CYP2C19: variants seen among roughly 807,000 people sequenced by gnomAD.
CYP2C19 encodes the protein cytochrome P450 2C19.
In CYP2C19, 59 loss-of-function variants were observed where a neutral mutation model predicts 40.9. The observed-to-expected ratio is 1.44, with a 90% CI of 1.17 to 1.79. The LOEUF (loss-of-function observed/expected upper bound fraction) is 1.79. Ranked by LOEUF, CYP2C19 falls within the 40% of genes most tolerant of loss-of-function variation. CYP2C19 has a pLI of 0.00. For missense variants in CYP2C19, 754 were observed against 596.9 expected (o/e 1.26, Z -2.74); for synonymous variants, 253 against 208.7 (o/e 1.21, Z -1.83).
chr10:94,852,817 A>C lies in CYP2C19; in HGVS notation c.1376A>C (p.Lys459Thr), dbSNP rs1849675290. ...TTCATTTTACAGAACTTTAACCTGA[A>C]ATCTCTGATTGACCCAAAGGACCTT... ...LTFILQNFNL[K>T]SLIDPKDLDT... The change falls in exon 9 of 9, where the codon AAA (lysine) becomes ACA (threonine). Residue 459 changes from lysine to threonine, a missense_variant. Lys to Thr is a moderately conservative substitution (Grantham distance 78, BLOSUM62 -1). Transcript: ENST00000371321. The C allele has an allele frequency of 4.3e-6, 7 of 1,613,916 alleles. No individual in the cohort carries two copies. Among genetic ancestry groups the C allele is most frequent in the African/African-American group, 1.3e-5 (1 of 74,900 alleles).
chr10:94,787,055 T>A lies in CYP2C19; in HGVS notation c.819+5058T>A, dbSNP rs58398690. Among the ~76,000 whole-genome samples, 709 of 152,248 alleles carry A rather than the reference T, an allele frequency of 4.7e-3. 3 individuals carry two copies. The highest frequency in any genetic ancestry group is 0.017 in the African/African-American group (686 of 41,552). On this transcript the variant is annotated intron_variant, in intron 5 of 8. Transcript: ENST00000371321. ...CATCAAATGATAATTTTGTTTTTAG[T>A]TCTTTGAGAAATTTCCAAACTGCTT...
chr10:94,765,450 G>A (rs757806702), intron 1 of CYP2C19, among the ~76,000 whole-genome samples: 7 of 152,102 alleles, frequency 4.6e-5, no homozygotes, highest in Admixed American at 2.0e-4. Context: ...GTGTGTGTTT[G>A]TTGTTTTCAT....
intron 5 of CYP2C19, among the ~76,000 whole-genome samples, chr10:94,797,195 G>A (rs1387216831): frequency 2.6e-5 from 4 of 151,948 alleles, no homozygotes; most frequent in African/African-American, 9.7e-5. Flanking sequence ...AGAGTTTTTA[G>A]CATGACGGGT....
chr10:94,847,540 G>A (rs946649901), intron 7 of CYP2C19, among the ~76,000 whole-genome samples: 14 of 152,186 alleles, frequency 9.2e-5, no homozygotes, highest in East Asian at 3.9e-4. Flanking sequence ...ATAAATATAC[G>A]TGTGCATGTG....
chr10:94,851,788 C>T (rs1849658177), intron 8 of CYP2C19, among the ~76,000 whole-genome samples: 1 of 152,130 alleles, frequency 6.6e-6, no homozygotes, highest in Admixed American at 6.6e-5. Flanking sequence ...GCCCTCCTGA[C>T]TTATTCACTG....
At chr10:94,775,002 T>C (rs1848386634) in intron 1 of CYP2C19, 56 bp from the exon 2 acceptor site, 1 of 1,572,148 alleles carries the variant, frequency 6.4e-7, no homozygotes, top group Non-Finnish European at 8.7e-7. Flanking sequence ...AAGTCAGGCT[T>C]AGTAAATGGA....
chr10:94,852,761 G>A lies in CYP2C19; in HGVS notation c.1320G>A (p.Leu440=), dbSNP rs202150773. The A allele has an allele frequency of 1.1e-5, 18 of 1,614,014 alleles. No individual in the cohort carries two copies. Among genetic ancestry groups the A allele is most frequent in the Non-Finnish European group, 2.5e-6 (3 of 1,179,950 alleles). The change falls in exon 9 of 9, where the codon CTG becomes CTA. Residue 440 remains leucine (L), a synonymous_variant. Coordinates refer to ENST00000371321, the MANE Select transcript of CYP2C19 (RefSeq NM_000769.4). The stretch of plus-strand genomic sequence containing the variant: ...AACGGATTTGTGTGGGAGAGGGCCT[G>A]GCCCGCATGGAGCTGTTTTTATTCC... ...AGKRICVGEG[L]ARMELFLFLT...
At position 94,845,970 on chromosome 10, in the gene CYP2C19, G is replaced by T. The variant is rs552611124; in HGVS notation, c.1149+2946G>T. Among the ~76,000 whole-genome samples, 473 of 152,022 alleles carry T rather than the reference G, an allele frequency of 3.1e-3. 3 individuals carry two copies. The highest frequency in any genetic ancestry group is 0.011 in the African/African-American group (450 of 41,476). On this transcript the variant is annotated intron_variant, in intron 7 of 8. Coordinates refer to ENST00000371321, the MANE Select transcript of CYP2C19 (RefSeq NM_000769.4). The stretch of plus-strand genomic sequence containing the variant: ...ATCCATCTATCTAGACCTCAATACT[G>T]CAGTATATGTAGCCCAATAACAATG...
chr10:94,790,049 A>C (rs983723792), intron 5 of CYP2C19, among the ~76,000 whole-genome samples: 3 of 152,136 alleles, frequency 2.0e-5, no homozygotes, highest in Non-Finnish European at 4.4e-5. Context: ...CTCCTTGAAG[A>C]GGTCCTTCAC....
At chr10:94,797,567 C>G (rs1269328470) in intron 5 of CYP2C19, among the ~76,000 whole-genome samples, 1 of 152,004 alleles carries the variant, frequency 6.6e-6, no homozygotes, top group Non-Finnish European at 1.5e-5. Context: ...AGGAGTGTAC[C>G]ATCTCCTCTT....
intron 5 of CYP2C19, among the ~76,000 whole-genome samples, chr10:94,809,167 G>T (rs766796648): frequency 2.6e-5 from 4 of 152,040 alleles, no homozygotes; most frequent in Non-Finnish European, 5.9e-5. Context: ...GTTTTTATTT[G>T]CGCTTCTCAG....
intron 3 of CYP2C19, among the ~76,000 whole-genome samples, chr10:94,779,899 T>C (rs898670677): frequency 6.6e-6 from 1 of 152,160 alleles, no homozygotes; most frequent in Admixed American, 6.5e-5. Context: ...GGGATTTACA[T>C]TTCAAATAAC....
intron 6 of CYP2C19, 146 bp from the exon 7 acceptor site, chr10:94,842,691 C>T: frequency 1.1e-6 from 1 of 936,434 alleles, no homozygotes; most frequent in Non-Finnish European, 1.6e-6. Context: ...GCAGTCCTCT[C>T]TTTAAGTTAC....
In CYP2C19 at chr10:94,849,020, C is replaced by T. The variant is rs143480240; in HGVS notation, c.1150-897C>T. Reference sequence around the variant, plus strand: ...TCTAGATGTACAATCATGTCATCTGCAAACAGGGACAATTAGACTTCATCT... The same window carrying T: ...TCTAGATGTACAATCATGTCATCTGTAAACAGGGACAATTAGACTTCATCT... On this transcript the variant is annotated intron_variant, in intron 7 of 8. Coordinates refer to ENST00000371321, the MANE Select transcript of CYP2C19 (RefSeq NM_000769.4). 1.6e-3 allele frequency among the ~76,000 whole-genome samples: 239 copies of T among 152,252 alleles called. 1 individual carries two copies. Among genetic ancestry groups the T allele is most frequent in the Non-Finnish European group, 2.7e-3 (187 of 68,014 alleles).
At chr10:94,812,495 T>C (rs1025303611) in intron 5 of CYP2C19, among the ~76,000 whole-genome samples, 4 of 152,144 alleles carry the variant, frequency 2.6e-5, no homozygotes, top group African/African-American at 9.7e-5. Flanking sequence ...ATTCTCCCCA[T>C]CACTTTCAGG....
At chr10:94,804,118 G>C (rs1439917694) in intron 5 of CYP2C19, among the ~76,000 whole-genome samples, 3 of 152,152 alleles carry the variant, frequency 2.0e-5, no homozygotes, top group African/African-American at 7.2e-5. Context: ...TGAGTGCCTG[G>C]AGCTCTGCTT....
chr10:94,779,566 C>CTTTTCTTTTCTTTTCT lies in CYP2C19; in HGVS notation c.482-929_482-928insCTTTTCTTTTCTTTTT, dbSNP rs762886433. On this transcript the variant is annotated intron_variant, in intron 3 of 8. Coordinates refer to ENST00000371321, the MANE Select transcript of CYP2C19 (RefSeq NM_000769.4). The stretch of plus-strand genomic sequence containing the variant: ...CTTTTTTTCCTTTTTCTTTTCTTTT[C>CTTTTCTTTTCTTTTCT]TTTTTTTTTTTTTGAGTTGGAGTCT... 1.5e-3 allele frequency among the ~76,000 whole-genome samples: 220 copies of CTTTTCTTTTCTTTTCT among 142,400 alleles called. 1 individual carries two copies. Among genetic ancestry groups the CTTTTCTTTTCTTTTCT allele is most frequent in the African/African-American group, 3.8e-3 (150 of 39,076 alleles). 93.4% of individuals were successfully genotyped at this position (142,400 alleles called of 152,430 possible). A position where few individuals can be genotyped will look rare whatever the true frequency, so the allele number is the denominator to read the frequency against.
chr10:94,811,731 TA>T (rs1848927813), intron 5 of CYP2C19, among the ~76,000 whole-genome samples: 1 of 152,112 alleles, frequency 6.6e-6, no homozygotes, highest in Non-Finnish European at 1.5e-5. Flanking sequence ...ATTTGCTTGG[TA>T]AATATTCCTC....
chr10:94,821,802 T>G (rs1203793982), intron 6 of CYP2C19, among the ~76,000 whole-genome samples: 1 of 152,080 alleles, frequency 6.6e-6, no homozygotes, highest in African/African-American at 2.4e-5. Flanking sequence ...TCAACTTTTT[T>G]TTATAGATTA....
Sources: gnomAD v4.1 joint callset for allele counts (sites outside exome capture counted in the v4.1 genomes callset) on GRCh38, gnomAD v4.1.1 for gene constraint, MANE v1.5 for transcripts, NCBI Gene and HGNC (gene_info 2026-07-23, HGNC 2026-07-21) for gene names.